PRB4: variants seen among roughly 807,000 people sequenced by gnomAD.
PRB4 encodes the protein basic salivary proline-rich protein 4.
Under a neutral mutation model 9.1 loss-of-function variants are expected in PRB4, and 14 were observed. The observed-to-expected ratio is 1.54, with a 90% CI of 1.02 to 2.41. The LOEUF (loss-of-function observed/expected upper bound fraction) is 2.41. Ranked by LOEUF, PRB4 falls within the 30% of genes most tolerant of loss-of-function variation. The probability of loss-of-function intolerance (pLI) is 0.00; values close to 1 mark genes in which losing one functional copy is unlikely to be tolerated. For synonymous variants in PRB4, 102 were observed against 108.5 expected, an observed-to-expected ratio of 0.94 and a Z score of 0.37; for missense variants, 381 against 299.3, an observed-to-expected ratio of 1.27 and a Z score of -2.02.
chr12:11,309,477 G>C (rs1863004134), intron 1 of PRB4, 72 bp from the exon 2 acceptor site: 1 of 1,613,100 alleles, frequency 6.2e-7, no homozygotes, highest in East Asian at 2.2e-5. Context: ...GTTCTACAGG[G>C]AAAATTGTCT....
chr12:11,309,916 G>T (rs570589685), intron 1 of PRB4, among the ~76,000 whole-genome samples: 3 of 152,234 alleles, frequency 2.0e-5, no homozygotes, highest in Admixed American at 6.5e-5. Flanking sequence ...GTTCTATCCA[G>T]TTCTGTCTCT....
rs758786759 is a variant in PRB4 at position 11,309,413 on chromosome 12, A to G, written c.65-8T>C. ...ATTCTTCCTGGCTGACATCTAGAAG[A>G]GAAGCACAGGATGATGGGAAATGTT... is the stretch of plus-strand genomic sequence containing the variant. On this transcript the variant is annotated splice_polypyrimidine_tract_variant and splice_region_variant and intron_variant, in intron 1 of 3. Transcript: ENST00000279575. 6.2e-7 allele frequency: 1 copy of G among 1,614,152 alleles called. No homozygotes were observed. Among genetic ancestry groups the G allele is most frequent in the Non-Finnish European group, 8.5e-7 (1 of 1,179,992 alleles).
chr12:11,308,482 TG>T lies in PRB4; in HGVS notation c.500del (p.Pro167HisfsTer90), dbSNP rs1862964855. 6.2e-7 allele frequency: 1 copy of T among 1,613,176 alleles called. No homozygotes were observed. The highest frequency in any genetic ancestry group is 8.5e-7 in the Non-Finnish European group (1 of 1,179,750). The part of the protein sequence containing the change: ...PHPGKPEGPP[P>X]QEGNKSRSAR... ...CACTTCGGGACTTGTTTCCTTCCTG[TG>T]GGGGTGGTCCTTCTGGCTTTCCTGG... On this transcript the variant is annotated frameshift_variant, in exon 3 of 4. Coordinates refer to ENST00000279575, the MANE Select transcript of PRB4 (RefSeq NM_002723.6). LOFTEE classifies it low-confidence loss of function (END_TRUNC).
chr12:11,309,073 G>A (rs982512867), intron 2 of PRB4, among the ~76,000 whole-genome samples, 191 bp from the exon 3 acceptor site: 3 of 151,970 alleles, frequency 2.0e-5, no homozygotes, highest in Admixed American at 6.5e-5. Flanking sequence ...TCAGTCTAAG[G>A]AGGAGTCAGA....
intron 2 of PRB4, 121 bp downstream of exon 2, chr12:11,309,248 TA>T: frequency 6.6e-7 from 1 of 1,526,060 alleles, no homozygotes; most frequent in South Asian, 1.1e-5. Flanking sequence ...CCTATATCAT[TA>T]GGGGCAATAA....
chr12:11,310,107 A>T (rs116662246), intron 1 of PRB4, among the ~76,000 whole-genome samples: 1 of 152,158 alleles, frequency 6.6e-6, no homozygotes, highest in Non-Finnish European at 1.5e-5. Context: ...TATAAATTCA[A>T]ATCTTACCTT....
chr12:11,308,828 G>A lies in PRB4; in HGVS notation c.155C>T (p.Pro52Leu), dbSNP rs147700745. 1,083 of 1,592,570 alleles carry A rather than the reference G, an allele frequency of 6.8e-4. 1 individual carries two copies. Among genetic ancestry groups the A allele is most frequent in the Non-Finnish European group, 8.7e-4 (1,021 of 1,166,902 alleles). The change falls in exon 3 of 4, where the codon CCT becomes CTT. Residue 52 changes from proline (P) to leucine (L), a missense_variant. This residue lies in a region of PRB4 where 151 missense variants were observed against 105.8 expected (regional missense o/e 1.43). Transcript: ENST00000279575. ...QGGNQPQRPPPPPGKPQGPPP... is the reference protein window; with the variant it reads ...QGGNQPQRPPLPPGKPQGPPP... ...TGGTCCTTGTGGCTTTCCTGGAGGAGGTGGGGGACGTTGGGGCTGGTTTCC... is the reference window on the plus strand; with the variant it reads ...TGGTCCTTGTGGCTTTCCTGGAGGAAGTGGGGGACGTTGGGGCTGGTTTCC...
Position 11,310,294 on chromosome 12 carries a change from G to T in PRB4, c.64+41C>A, listed in dbSNP as rs374889792. 38 of 1,610,410 alleles carry T rather than the reference G, an allele frequency of 2.4e-5. No individual in the cohort carries two copies. In the African/African-American group the frequency reaches 4.9e-4, roughly 21 times the overall value. On this transcript the variant is annotated intron_variant, in intron 1 of 3. Transcript: ENST00000279575. ...CATAATTACCACTGTCACCTCCTAA[G>T]TCCCAAGCAGTCACCGCATCTTTTC...
At chr12:11,309,628 T>C (rs926762729) in intron 1 of PRB4, among the ~76,000 whole-genome samples, 7 of 152,118 alleles carry the variant, frequency 4.6e-5, no homozygotes, top group African/African-American at 1.7e-4. Flanking sequence ...GAACAGCCCC[T>C]TTTTTTCCTC....
chr12:11,308,877 G>T lies in PRB4; in HGVS notation c.106C>A (p.Pro36Thr), dbSNP rs1441510933. 19 of 1,583,772 alleles carry T rather than the reference G, an allele frequency of 1.2e-5. No individual in the cohort carries two copies. The highest frequency in any genetic ancestry group is 1.6e-5 in the Non-Finnish European group (19 of 1,158,780). ...CCTCCTTGTGGGCGTCGTCCTTCTG[G>T]CTTTCCTGGAGGAGGTGGGGGACAT... ...EESLFLISGK[P>T]EGRRPQGGNQ... Residue 36 changes from proline (P) to threonine (T), a missense_variant, in exon 3 of 4, where the codon CCA becomes ACA. By Grantham distance (38) the Pro-to-Thr change is conservative. Around this residue, in one of 3 missense-constraint regions of PRB4, gnomAD observed 151 missense variants for 105.8 expected, o/e 1.43. Transcript: ENST00000279575.
In PRB4 at chr12:11,309,390, TC is replaced by T; in HGVS notation, c.79del (p.Glu27AsnfsTer5). 1 of 1,614,120 alleles carries T rather than the reference TC, an allele frequency of 6.2e-7. No individual in the cohort carries two copies. The highest frequency in any genetic ancestry group is 1.1e-5 in the South Asian group (1 of 91,072). Reference protein sequence around the residue: ...ESSSEDVSQEESLFLISGKPE... With the variant: ...ESSSEDVSQEXSLFLISGKPE... ...TTTACCTGATATTAGGAAGAGAGAT[TC>T]TTCCTGGCTGACATCTAGAAGAGAA... On this transcript the variant is annotated frameshift_variant, in exon 2 of 4. Transcript: ENST00000279575. LOFTEE classifies it high-confidence loss of function.
At position 11,310,364 on chromosome 12, in the gene PRB4, G is replaced by A; in HGVS notation, c.35C>T (p.Ala12Val). The change falls in exon 1 of 4, where the codon GCC becomes GTC. Residue 12 changes from alanine (A) to valine (V), a missense_variant. Physicochemically the swap from Ala to Val is moderately conservative, Grantham distance 64. Coordinates refer to ENST00000279575, the MANE Select transcript of PRB4 (RefSeq NM_002723.6). ...ACTTGAACTCTCAGCTGAGCTCAGGGCCAGCAGGGCCACTGACAGCAGAAT... is the reference window on the plus strand; with the variant it reads ...ACTTGAACTCTCAGCTGAGCTCAGGACCAGCAGGGCCACTGACAGCAGAAT... ...LLILLSVALLALSSAESSSED... is the reference protein window; with the variant it reads ...LLILLSVALLVLSSAESSSED... The A allele has an allele frequency of 1.2e-6, 2 of 1,614,186 alleles. No homozygotes were observed. The highest frequency in any genetic ancestry group is 2.2e-5 in the South Asian group (2 of 91,084).
In PRB4 at chr12:11,308,278, C is replaced by T. The variant is rs1862956225; in HGVS notation, c.705G>A (p.Arg235=). The T allele has an allele frequency of 2.5e-6, 4 of 1,608,946 alleles. No homozygotes were observed. The highest frequency in any genetic ancestry group is 3.4e-6 in the Non-Finnish European group (4 of 1,177,750). Residue 235 remains arginine (R), a synonymous_variant, in exon 3 of 4, where the codon AGG becomes AGA. Coordinates refer to ENST00000279575, the MANE Select transcript of PRB4 (RefSeq NM_002723.6). ...QGPPPPPQGG[R]PPRPAQGQQP... ...GTTGTCCCTGGGCAGGTCTGGGTGG[C>T]CTGCCCCCTTGAGGAGGTGGAGGTG...
chr12:11,309,354 A>C lies in PRB4; in HGVS notation c.100+16T>G, dbSNP rs1863001004. The stretch of plus-strand genomic sequence containing the variant: ...AAAAGGGAGTCAAAACAGATTGAGA[A>C]TGAATTGGGATTTACCTGATATTAG... On this transcript the variant is annotated intron_variant, in intron 2 of 3. Coordinates refer to ENST00000279575, the MANE Select transcript of PRB4 (RefSeq NM_002723.6). 1 of 1,614,122 alleles carries C rather than the reference A, an allele frequency of 6.2e-7. No individual in the cohort carries two copies. Among genetic ancestry groups the C allele is most frequent in the Non-Finnish European group, 8.5e-7 (1 of 1,179,950 alleles).
At chr12:11,310,256 C>T (rs981047400) in intron 1 of PRB4, 79 bp downstream of exon 1, 2 of 1,572,478 alleles carry the variant, frequency 1.3e-6, no homozygotes, top group Admixed American at 1.7e-5. Flanking sequence ...TGTTTTCATT[C>T]TCCTCTCTTC....
rs770371515 is a variant in PRB4, at chr12:11,309,401, G to A, written c.69C>T (p.Val23=). The change falls in exon 2 of 4, where the codon GTC becomes GTT. Residue 23 remains valine (V), a synonymous_variant. Transcript: ENST00000279575. The part of the protein sequence containing the change: ...LSSAESSSED[V]SQEESLFLIS... ...TTAGGAAGAGAGATTCTTCCTGGCTGACATCTAGAAGAGAAGCACAGGATG... is the reference window on the plus strand; with the variant it reads ...TTAGGAAGAGAGATTCTTCCTGGCTAACATCTAGAAGAGAAGCACAGGATG... The A allele has an allele frequency of 1.1e-5, 18 of 1,614,026 alleles. No individual in the cohort carries two copies. Among genetic ancestry groups the A allele is most frequent in the Non-Finnish European group, 1.4e-5 (17 of 1,179,994 alleles).
intron 3 of PRB4, 83 bp from the exon 4 acceptor site, chr12:11,307,282 G>A (rs949277963): frequency 6.6e-6 from 1 of 152,612 alleles, no homozygotes; most frequent in African/African-American, 2.4e-5. Flanking sequence ...TGGCTTAGAA[G>A]ATGAAGAGAA....
chr12:11,309,221 A>G (rs1367973951), intron 2 of PRB4, 149 bp downstream of exon 2: 11 of 1,386,324 alleles, frequency 7.9e-6, no homozygotes, highest in Non-Finnish European at 1.1e-5. Flanking sequence ...CCCAGAATCA[A>G]GTTTGCATGA....
chr12:11,309,283 A>G (rs1592189867), intron 2 of PRB4, 87 bp downstream of exon 2: 1 of 1,599,622 alleles, frequency 6.3e-7, no homozygotes, highest in Admixed American at 1.7e-5. Context: ...CTGAAAGGAA[A>G]GTGTTGATAA....
Sources: gnomAD v4.1 joint callset for allele counts (sites outside exome capture counted in the v4.1 genomes callset) on GRCh38, gnomAD v4.1.1 for gene constraint, gnomAD v4.1.1 regional missense constraint, MANE v1.5 for transcripts, NCBI Gene and HGNC (gene_info 2026-07-23, HGNC 2026-07-21) for gene names.